EIF4G3: variants seen among roughly 807,000 people sequenced by gnomAD.
EIF4G3 encodes the protein eukaryotic translation initiation factor 4 gamma 3, also known as eIF-4-gamma 3.
In EIF4G3, 34 loss-of-function variants were observed where a neutral mutation model predicts 186.4. The ratio of observed to expected loss-of-function variants is 0.18; its 90% CI spans 0.14 to 0.24. The LOEUF (loss-of-function observed/expected upper bound fraction) is 0.24. EIF4G3 is among the 10% of genes least tolerant of loss of function. The pLI is 1.00. For missense variants in EIF4G3, 1,536 were observed against 1,948.5 expected (o/e 0.79, Z 3.99); for synonymous variants, 673 against 679.5 (o/e 0.99, Z 0.15).
At chr1:20,808,141 C>T (rs1057259791) in intron 36 of EIF4G3, among the ~76,000 whole-genome samples, 3 of 151,958 alleles carry the variant, frequency 2.0e-5, no homozygotes, top group Non-Finnish European at 4.4e-5. Context: ...ATCTTGGCCT[C>T]CCAAAGTGCT....
chr1:20,815,239 C>G, intron 34 of EIF4G3, among the ~76,000 whole-genome samples: 1 of 95,770 alleles, frequency 1.0e-5, no homozygotes, highest in Non-Finnish European at 2.2e-5. Context: ...TCTGCCTGGC[C>G]GCCCATCGTC....
At chr1:20,853,036 G>A (rs1289137554) in intron 27 of EIF4G3, among the ~76,000 whole-genome samples, 1 of 152,076 alleles carries the variant, frequency 6.6e-6, no homozygotes, top group Non-Finnish European at 1.5e-5. Flanking sequence ...AAGTGCTTAT[G>A]TAAAAAATGT....
chr1:21,151,760 T>C (rs2097555428), intron 2 of EIF4G3, among the ~76,000 whole-genome samples: 1 of 151,600 alleles, frequency 6.6e-6, no homozygotes, highest in Non-Finnish European at 1.5e-5. Context: ...ATTCCTTGAA[T>C]ATATGTTAAA....
intron 2 of EIF4G3, among the ~76,000 whole-genome samples, chr1:21,146,954 T>C (rs1176002057): frequency 6.6e-6 from 1 of 151,988 alleles, no homozygotes; most frequent in Admixed American, 6.6e-5. Flanking sequence ...TACCTAAAGA[T>C]ATAGTTGTTT....
In EIF4G3 at chr1:20,810,926, A is replaced by G. The variant is rs1294990021; in HGVS notation, c.4598-42T>C. The G allele has an allele frequency of 6.4e-7, 1 of 1,560,706 alleles. No individual in the cohort carries two copies. Among genetic ancestry groups the G allele is most frequent in the Non-Finnish European group, 8.7e-7 (1 of 1,145,676 alleles). On this transcript the variant is annotated intron_variant, in intron 35 of 36. Transcript: ENST00000602326. This position sits in a 1 kb window ranked among gnomAD's most constrained non-coding sequence, Gnocchi z 4.1. ...AACTAGGAATTACATTTAAGGAGTT[A>G]ACATAGAATTATCTTTAATTTTCTT...
In EIF4G3 at chr1:21,148,753, G is replaced by A. The variant is rs184007924; in HGVS notation, c.-272+27422C>T. ...TGCATGTCTGTAATCCCTGCAACTC[G>A]AGAGGCTGAGGTGGGAGGATAGCCA... On this transcript the variant is annotated intron_variant, in intron 2 of 36. Coordinates refer to ENST00000602326, the MANE Select transcript of EIF4G3 (RefSeq NM_001391906.1). Among the ~76,000 whole-genome samples, 104 of 148,416 alleles carry A rather than the reference G, an allele frequency of 7.0e-4. 1 individual carries two copies. Among genetic ancestry groups the A allele is most frequent in the African/African-American group, 2.4e-3 (95 of 40,318 alleles).
intron 12 of EIF4G3, among the ~76,000 whole-genome samples, chr1:20,953,923 A>G (rs2154563788): frequency 6.6e-6 from 1 of 152,322 alleles, no homozygotes; most frequent in East Asian, 1.9e-4. Flanking sequence ...ATCTATCTAC[A>G]TATTTTCTAT....
At chr1:20,915,399 T>G (rs921886851) in intron 14 of EIF4G3, among the ~76,000 whole-genome samples, 2 of 151,762 alleles carry the variant, frequency 1.3e-5, no homozygotes, top group African/African-American at 4.8e-5. Flanking sequence ...TACCTAAACA[T>G]GACAATCACC....
chr1:20,975,326 A>T (rs1184777170), intron 10 of EIF4G3, among the ~76,000 whole-genome samples: 1 of 151,758 alleles, frequency 6.6e-6, no homozygotes, highest in Non-Finnish European at 1.5e-5. Context: ...TCACTTCACC[A>T]TATTTTTTGA....
rs1301515699 is a variant in EIF4G3 at position 20,895,353 on chromosome 1, G to C, written c.2133+15C>G. The stretch of plus-strand genomic sequence containing the variant: ...CCACCAAAAAGAACTAGTTTTCTCT[G>C]AGTACGCAGCTTACCTTGTCAAGAA... On this transcript the variant is annotated intron_variant, in intron 17 of 36. Transcript: ENST00000602326. 3.1e-6 allele frequency: 5 copies of C among 1,606,890 alleles called. No individual in the cohort carries two copies. The African/African-American group carries it at 5.4e-5, about 17-fold the overall frequency.
chr1:21,098,624 A>T (rs2096445124), intron 2 of EIF4G3, among the ~76,000 whole-genome samples: 1 of 151,496 alleles, frequency 6.6e-6, no homozygotes, highest in African/African-American at 2.4e-5. Flanking sequence ...AAACAACCTA[A>T]TATTTTTCAA....
At chr1:21,149,111 A>C (rs1357861289) in intron 2 of EIF4G3, among the ~76,000 whole-genome samples, 1 of 152,082 alleles carries the variant, frequency 6.6e-6, no homozygotes, top group Admixed American at 6.6e-5. Flanking sequence ...AAAAGAAAGA[A>C]AGAAATGTTA....
intron 3 of EIF4G3, among the ~76,000 whole-genome samples, chr1:21,081,231 G>T (rs1402346318): frequency 6.6e-6 from 1 of 152,074 alleles, no homozygotes; most frequent in African/African-American, 2.4e-5. Context: ...AAGAGATCAA[G>T]ACCATCATGG....
chr1:21,142,937 C>A (rs931666512), intron 2 of EIF4G3, among the ~76,000 whole-genome samples: 1 of 151,968 alleles, frequency 6.6e-6, no homozygotes, highest in South Asian at 2.1e-4. Context: ...AAAACTGTTA[C>A]TAAAGAAATT....
chr1:20,993,012 G>A (rs966233330), intron 7 of EIF4G3, among the ~76,000 whole-genome samples: 4 of 152,256 alleles, frequency 2.6e-5, no homozygotes, highest in African/African-American at 7.2e-5. Context: ...AAAGCCAAGA[G>A]TGTTTTGCAT....
At chr1:20,993,813 C>T (rs956079340) in intron 7 of EIF4G3, among the ~76,000 whole-genome samples, 2 of 152,182 alleles carry the variant, frequency 1.3e-5, no homozygotes, top group Non-Finnish European at 2.9e-5. Context: ...TATCCCAGGA[C>T]ATGAGTGTCT....
chr1:21,144,158 C>T (rs1038967222), intron 2 of EIF4G3, among the ~76,000 whole-genome samples: 6 of 152,316 alleles, frequency 3.9e-5, no homozygotes, highest in African/African-American at 1.4e-4. Flanking sequence ...CCAAATAGAG[C>T]TCCAAAAATT....
chr1:20,854,538 T>TAAA (rs36090897), intron 26 of EIF4G3, among the ~76,000 whole-genome samples: 1 of 132,342 alleles, frequency 7.6e-6, no homozygotes, highest in Admixed American at 7.7e-5. Flanking sequence ...TACAAAAAAT[T>TAAA]AAAAAAAAAA....
At chr1:20,848,521 T>C (rs1201646814) in intron 29 of EIF4G3, among the ~76,000 whole-genome samples, 3 of 152,128 alleles carry the variant, frequency 2.0e-5, no homozygotes, top group Admixed American at 6.5e-5. Flanking sequence ...CACTAGACTA[T>C]AGGGTTCACA....
Sources: allele counts gnomAD v4.1 joint callset (sites outside exome capture counted in the v4.1 genomes callset), GRCh38; gene constraint gnomAD v4.1.1; non-coding constraint Gnocchi (gnomAD v3.1); transcripts MANE v1.5; gene names NCBI Gene and HGNC (gene_info 2026-07-23, HGNC 2026-07-21).